Variants in SEMA4A observed in about 807,000 individuals in gnomAD.
SEMA4A encodes semaphorin-4A.
In SEMA4A, 52 loss-of-function variants were observed where a neutral mutation model predicts 72.5. The observed-to-expected ratio is 0.72, with a 90% CI of 0.57 to 0.90. The LOEUF is 0.90. Among genes scored for constraint, SEMA4A ranks in the 40% least tolerant of loss-of-function variants. The probability of loss-of-function intolerance (pLI) is 0.00; values close to 1 mark genes in which losing one functional copy is unlikely to be tolerated. For missense variants in SEMA4A, 926 were observed against 959.7 expected, an observed-to-expected ratio of 0.96 and a Z score of 0.46; for synonymous variants, 369 against 393.1, an observed-to-expected ratio of 0.94 and a Z score of 0.73.
chr1:156,162,331 G>T (rs573736386), intron 9 of SEMA4A, among the ~76,000 whole-genome samples: 3 of 152,334 alleles, frequency 2.0e-5, no homozygotes, highest in African/African-American at 7.2e-5. Flanking sequence ...CAAGGTCCCC[G>T]AGTCATGGTC....
chr1:156,158,428 A>G lies in SEMA4A; in HGVS notation c.404A>G (p.Asn135Ser). Residue 135 changes from asparagine (N) to serine (S), a missense_variant, in exon 5 of 15, where the codon AAT (asparagine) becomes AGT (serine). Physicochemically the swap from Asn to Ser is conservative, Grantham distance 46. Coordinates refer to ENST00000368285, the MANE Select transcript of SEMA4A (RefSeq NM_022367.4). ...FNFIRVLVSY[N>S]VTHLYTCGTF... ...TTCATCCGTGTCCTGGTTTCTTACA[A>G]TGTCACCCATCTCTACACCTGCGGC... 1.2e-6 allele frequency: 2 copies of G among 1,613,442 alleles called. No homozygotes were observed. The highest frequency in any genetic ancestry group is 1.7e-6 in the Non-Finnish European group (2 of 1,179,770).
At position 156,158,701 on chromosome 1, in the gene SEMA4A, G is replaced by A. The variant is rs749770524; in HGVS notation, c.463-18G>A. On this transcript the variant is annotated intron_variant, in intron 5 of 14. Coordinates refer to ENST00000368285, the MANE Select transcript of SEMA4A (RefSeq NM_022367.4). ...GAGACCTTGGCGTTCTGGCCCCCCA[G>A]CCTCTCTCCCCATTTAGGAACTTCA... 2 of 1,596,190 alleles carry A rather than the reference G, an allele frequency of 1.3e-6. No homozygotes were observed. Among genetic ancestry groups the A allele is most frequent in the Admixed American group, 1.7e-5 (1 of 59,926 alleles).
chr1:156,158,822 T>G lies in SEMA4A; in HGVS notation c.566T>G (p.Val189Gly). 6.2e-7 allele frequency: 1 copy of G among 1,611,918 alleles called. No individual in the cohort carries two copies. The change falls in exon 6 of 15, where the codon GTG becomes GGG. Residue 189 changes from valine (V) to glycine (G), a missense_variant and splice_region_variant. Coordinates refer to ENST00000368285, the MANE Select transcript of SEMA4A (RefSeq NM_022367.4). ...GCTCACAAGCATACGGCTGTCTTGG[T>G]GGGTGAGTATCAGGTTTCCCACTTC... Reference protein sequence around the residue: ...DPAHKHTAVLVDGMLYSGTMN... With the variant: ...DPAHKHTAVLGDGMLYSGTMN...
At chr1:156,168,846 T>C (rs919994260) in intron 10 of SEMA4A, among the ~76,000 whole-genome samples, 1 of 152,206 alleles carries the variant, frequency 6.6e-6, no homozygotes, top group Admixed American at 6.5e-5. Flanking sequence ...AGCAGCCTCT[T>C]CTAGTCTTCT....
intron 10 of SEMA4A, among the ~76,000 whole-genome samples, chr1:156,170,627 G>A (rs1408885519): frequency 1.3e-5 from 2 of 151,586 alleles, no homozygotes; most frequent in African/African-American, 4.9e-5. Flanking sequence ...GGTGGCGGGC[G>A]CCTGTAATCC....
In SEMA4A at chr1:156,156,087, C is replaced by T. The variant is rs916641716; in HGVS notation, c.140-327C>T. ...CTGTTTGTCTGTCTGCCTGCTGCTC[C>T]TCATCCTAGTGAGGACCAAGGCGTC... is the stretch of plus-strand genomic sequence containing the variant. On this transcript the variant is annotated intron_variant, in intron 2 of 14. Transcript: ENST00000368285. The T allele has an allele frequency of 7.4e-5, 28 of 379,582 alleles. No individual in the cohort carries two copies. In the East Asian group the frequency reaches 1.7e-3, roughly 23 times the overall value. The allele number at this position is 379,582 out of a possible 1,614,324, so 23.5% of individuals were successfully genotyped here. A position where few individuals can be genotyped will look rare whatever the true frequency, so the allele number is the denominator to read the frequency against.
upstream of SEMA4A, among the ~76,000 whole-genome samples, chr1:156,152,136 T>C (rs1482069291): frequency 6.6e-6 from 1 of 152,204 alleles, no homozygotes; most frequent in Non-Finnish European, 1.5e-5. Context: ...ACCTCCCTTC[T>C]TGATCTGTAA....
chr1:156,158,923 TG>T (rs1183094359), intron 6 of SEMA4A, 99 bp downstream of exon 6: 5 of 1,042,696 alleles, frequency 4.8e-6, no homozygotes, highest in African/African-American at 4.7e-5. Context: ...CAGGGGAAAC[TG>T]GGTGTGGTGA....
At chr1:156,149,285 C>T (rs1652350680), upstream of SEMA4A, among the ~76,000 whole-genome samples, 2 of 152,214 alleles carry the variant, frequency 1.3e-5, no homozygotes, top group African/African-American at 4.8e-5. Flanking sequence ...AAGAATCCGG[C>T]TGTCTTCTTT....
chr1:156,175,571 G>C lies in SEMA4A; in HGVS notation c.1608G>C (p.Gln536His), dbSNP rs761441697. 1 of 1,613,582 alleles carries C rather than the reference G, an allele frequency of 6.2e-7. No individual in the cohort carries two copies. The highest frequency in any genetic ancestry group is 1.7e-5 in the Admixed American group (1 of 59,956). ...LSAPNLNSWKQDMERGNPEWA... is the reference protein window; with the variant it reads ...LSAPNLNSWKHDMERGNPEWA... ...GCTCTCTTAGGAACTCCTGGAAGCA[G>C]GACATGGAGCGGGGGAACCCAGAGT... Residue 536 changes from glutamine (Q) to histidine (H), a missense_variant, in exon 14 of 15, where the codon CAG (glutamine) becomes CAC (histidine). Coordinates refer to ENST00000368285, the MANE Select transcript of SEMA4A (RefSeq NM_022367.4).
In SEMA4A at chr1:156,156,423, G is replaced by A. The variant is rs141456930; in HGVS notation, c.149G>A (p.Arg50His). Residue 50 changes from arginine to histidine, a missense_variant, in exon 3 of 15, where the codon CGT becomes CAT. Arg to His is a conservative substitution (Grantham distance 29). Coordinates refer to ENST00000368285, the MANE Select transcript of SEMA4A (RefSeq NM_022367.4). ...PRVRYYAGDE[R>H]RALSFFHQKG... ...CTTACTCCTCCAACAGGGGATGAAC[G>A]TAGGGCACTTAGCTTCTTCCACCAG... 4.3e-6 allele frequency: 7 copies of A among 1,613,930 alleles called. No homozygotes were observed. The highest frequency in any genetic ancestry group is 2.7e-5 in the African/African-American group (2 of 74,904).
At chr1:156,150,068 A>G (rs1050617222), upstream of SEMA4A, 1 of 152,098 alleles carries the variant, frequency 6.6e-6, no homozygotes, top group Non-Finnish European at 1.5e-5. Flanking sequence ...GAGGGAGGGA[A>G]ACGCAGCGGC....
intron 11 of SEMA4A, among the ~76,000 whole-genome samples, chr1:156,173,574 C>T (rs1345517782): frequency 6.6e-6 from 1 of 151,930 alleles, no homozygotes. Context: ...GGCCAGAGTC[C>T]AGGACACATG....
chr1:156,158,720 A>G lies in SEMA4A; in HGVS notation c.464A>G (p.Glu155Gly), dbSNP rs959780673. Residue 155 changes from glutamate (E) to glycine (G), a missense_variant and splice_region_variant, in exon 6 of 15, where the codon GAA (glutamate) becomes GGA (glycine). By Grantham distance (98) the Glu-to-Gly change is moderately conservative. Transcript: ENST00000368285. ...FAFSPACTFI[E>G]LQDSYLLPIS... Reference sequence around the variant, plus strand: ...CCCCCAGCCTCTCTCCCCATTTAGGAACTTCAAGATTCCTACCTGTTGCCC... The same window carrying G: ...CCCCCAGCCTCTCTCCCCATTTAGGGACTTCAAGATTCCTACCTGTTGCCC... 2.5e-6 allele frequency: 4 copies of G among 1,612,772 alleles called. No homozygotes were observed. The highest frequency in any genetic ancestry group is 3.4e-6 in the Non-Finnish European group (4 of 1,179,162).
At chr1:156,173,805 G>A (rs1655041992) in intron 11 of SEMA4A, among the ~76,000 whole-genome samples, 1 of 152,096 alleles carries the variant, frequency 6.6e-6, no homozygotes, top group African/African-American at 2.4e-5. Context: ...AGGAGAGAGA[G>A]GTAGATTCAA....
chr1:156,155,011 A>C, intron 2 of SEMA4A: 8 of 455,288 alleles, frequency 1.8e-5, no homozygotes, highest in East Asian at 4.1e-5. Context: ...TTCCTTAAAT[A>C]TCACTGTCAC....
intron 10 of SEMA4A, among the ~76,000 whole-genome samples, chr1:156,170,335 G>T (rs923635250): frequency 2.6e-5 from 4 of 151,454 alleles, no homozygotes; most frequent in Non-Finnish European, 5.9e-5. Flanking sequence ...GTGGTGGCGG[G>T]TGCCTGTAAT....
At chr1:156,161,574 C>G in intron 9 of SEMA4A, 56 bp downstream of exon 9, 2 of 1,591,562 alleles carry the variant, frequency 1.3e-6, no homozygotes, top group Non-Finnish European at 1.7e-6. Context: ...GCCAGTGAGG[C>G]CCCAGCTCGT....
chr1:156,170,460 CAAAAAAAAAAA>C (rs35927446), intron 10 of SEMA4A, among the ~76,000 whole-genome samples: 1 of 40,302 alleles, frequency 2.5e-5, no homozygotes. Context: ...GATACTGTCT[CAAAAAAAAAAA>C]AAAAAAAAAA....
Sources: gnomAD v4.1 joint callset for allele counts (sites outside exome capture counted in the v4.1 genomes callset) on GRCh38, gnomAD v4.1.1 for gene constraint, MANE v1.5 for transcripts, NCBI Gene and HGNC (gene_info 2026-07-23, HGNC 2026-07-21) for gene names.